Variants in SCIN observed in about 807,000 individuals in gnomAD.
SCIN encodes scinderin, also known as adseverin.
A neutral mutation model predicts 91.8 loss-of-function variants in SCIN; 91 were observed. The ratio of observed to expected loss-of-function variants is 0.99; its 90% CI spans 0.84 to 1.18. The LOEUF (loss-of-function observed/expected upper bound fraction) is 1.18. SCIN is among the 50% of genes most tolerant of loss of function. SCIN has a pLI of 0.00. For synonymous variants in SCIN, 367 were observed against 312.6 expected (o/e 1.17, Z -1.84); for missense variants, 1,087 against 863.9 (o/e 1.26, Z -3.24).
At chr7:12,581,282 A>C (rs1562595239) in intron 3 of SCIN, 61 bp downstream of exon 3, 2 of 1,480,210 alleles carry the variant, frequency 1.4e-6, no homozygotes, top group East Asian at 4.9e-5. Flanking sequence ...GGATCAAATC[A>C]TATGTACATG....
chr7:12,625,075 A>G lies in SCIN; in HGVS notation c.825A>G (p.Ala275=). ...VVAEENPFSM[A]MLLSEECFIL... is the part of the protein sequence containing the mutation. ...CAGAAGAAAACCCCTTCTCAATGGCAATGCTGCTGTCTGAAGAATGCTTTA... is the reference window on the plus strand; with the variant it reads ...CAGAAGAAAACCCCTTCTCAATGGCGATGCTGCTGTCTGAAGAATGCTTTA... The change falls in exon 6 of 16, where the codon GCA becomes GCG. Residue 275 remains alanine, a synonymous_variant. Transcript: ENST00000297029. The G allele has an allele frequency of 6.2e-7, 1 of 1,602,694 alleles. No individual in the cohort carries two copies. Among genetic ancestry groups the G allele is most frequent in the Admixed American group, 1.7e-5 (1 of 58,800 alleles).
chr7:12,656,938 CCTGT>C lies in SCIN; in HGVS notation c.*4224_*4227del, dbSNP rs1366955352. The C allele has an allele frequency of 4.6e-5, 7 of 151,246 alleles. No individual in the cohort carries two copies. The highest frequency in any genetic ancestry group is 1.7e-4 in the African/African-American group (7 of 41,154). 9.4% of individuals were successfully genotyped at this position (151,246 alleles called of 1,614,324 possible). ...CCGTCTCGGGGGAAGAAAAAAAAAA[CCTGT>C]AAAAAGTGGCTCAACTTTAATATTC... On this transcript the variant is annotated 3_prime_UTR_variant, in exon 16 of 16. Transcript: ENST00000297029.
In SCIN at chr7:12,658,118, A is replaced by G. The variant is rs1000319545; in HGVS notation, c.*5403A>G. The G allele has an allele frequency of 3.9e-5, 6 of 152,252 alleles. No individual in the cohort carries two copies. The highest frequency in any genetic ancestry group is 8.8e-5 in the Non-Finnish European group (6 of 68,046). 9.4% of individuals were successfully genotyped at this position (152,252 alleles called of 1,614,324 possible). ...TCACTGTGACTCAATCTAAGGTTTT[A>G]ATAATTCATGAAATAAAACTAATGT... On this transcript the variant is annotated 3_prime_UTR_variant, in exon 16 of 16. Coordinates refer to ENST00000297029, the MANE Select transcript of SCIN (RefSeq NM_001112706.3).
chr7:12,598,443 G>T (rs77222385), intron 3 of SCIN, among the ~76,000 whole-genome samples: 5,160 of 152,168 alleles, frequency 0.034, 312 homozygotes, highest in African/African-American at 0.12. Flanking sequence ...CTTCAGCACA[G>T]TAGAGCTCTG....
At chr7:12,645,393 T>C (rs1783944366) in intron 13 of SCIN, among the ~76,000 whole-genome samples, 1 of 152,176 alleles carries the variant, frequency 6.6e-6, no homozygotes, top group Admixed American at 6.5e-5. Flanking sequence ...GGCATTCCCA[T>C]GTGGCTCTGA....
Position 12,653,739 on chromosome 7 carries a change from A to G in SCIN, c.*1024A>G, listed in dbSNP as rs970176595. 8.5e-5 allele frequency: 13 copies of G among 152,198 alleles called. No individual in the cohort carries two copies. The highest frequency in any genetic ancestry group is 6.5e-5 in the Admixed American group (1 of 15,276). The allele number at this position is 152,198 out of a possible 1,614,324, so 9.4% of individuals were successfully genotyped here. A position where few individuals can be genotyped will look rare whatever the true frequency, so the allele number is the denominator to read the frequency against. ...CCAGGGAGCAGAGCCAAGTTCAAGT[A>G]AGTTAACGATATCAAGTTACTTACT... On this transcript the variant is annotated 3_prime_UTR_variant, in exon 16 of 16. Coordinates refer to ENST00000297029, the MANE Select transcript of SCIN (RefSeq NM_001112706.3). The surrounding 1 kb of genome is among the most constrained non-coding windows in gnomAD (Gnocchi z 4.1).
intron 1 of SCIN, among the ~76,000 whole-genome samples, chr7:12,577,255 C>A (rs547881884): frequency 2.0e-5 from 3 of 152,014 alleles, no homozygotes; most frequent in East Asian, 3.9e-4. Context: ...GGGAAAAAGA[C>A]CAAAAAATAG....
intron 8 of SCIN, among the ~76,000 whole-genome samples, chr7:12,627,924 G>T (rs1050510064): frequency 5.3e-5 from 8 of 152,132 alleles, no homozygotes; most frequent in Non-Finnish European, 1.0e-4. Context: ...ATAGTATGGG[G>T]TGGCCTCTCT....
rs143455246 is a variant in SCIN at position 12,617,516 on chromosome 7, T to G, written c.667-5285T>G. The stretch of plus-strand genomic sequence containing the variant: ...GGTTTGAAGCCTTAGGGAAAAAGGT[T>G]TGGTGATGTCTAGAAAAGGCAAATG... On this transcript the variant is annotated intron_variant, in intron 4 of 15. Coordinates refer to ENST00000297029, the MANE Select transcript of SCIN (RefSeq NM_001112706.3). Among the ~76,000 whole-genome samples, 309 of 152,208 alleles carry G rather than the reference T, an allele frequency of 2.0e-3. 1 individual carries two copies. The highest frequency in any genetic ancestry group is 4.8e-3 in the South Asian group (23 of 4,824).
At chr7:12,597,763 A>T (rs1166433146) in intron 3 of SCIN, among the ~76,000 whole-genome samples, 1 of 152,170 alleles carries the variant, frequency 6.6e-6, no homozygotes, top group East Asian at 1.9e-4. Flanking sequence ...AACAGATTGT[A>T]TTTATAGTCT....
intron 4 of SCIN, among the ~76,000 whole-genome samples, chr7:12,618,504 A>G (rs1291170244): frequency 6.6e-6 from 1 of 152,188 alleles, no homozygotes; most frequent in African/African-American, 2.4e-5. Context: ...AAAGGAATAA[A>G]GGTATTTTTG....
intron 4 of SCIN, among the ~76,000 whole-genome samples, chr7:12,605,470 G>T (rs1180995724): frequency 6.6e-6 from 1 of 152,136 alleles, no homozygotes; most frequent in African/African-American, 2.4e-5. Flanking sequence ...AATTTCCGGG[G>T]TATTGGAAAT....
chr7:12,604,288 A>G (rs983501316), intron 3 of SCIN, among the ~76,000 whole-genome samples: 4 of 152,276 alleles, frequency 2.6e-5, no homozygotes, highest in Admixed American at 1.3e-4. Flanking sequence ...ATATACACAG[A>G]GAATGGTGAT....
At chr7:12,648,256 A>G (rs1784005118) in intron 13 of SCIN, among the ~76,000 whole-genome samples, 1 of 151,448 alleles carries the variant, frequency 6.6e-6, no homozygotes, top group African/African-American at 2.4e-5. Context: ...TTTTTGATTT[A>G]TTAAAATGAC....
At chr7:12,608,554 T>C (rs560310616) in intron 4 of SCIN, among the ~76,000 whole-genome samples, 2 of 152,262 alleles carry the variant, frequency 1.3e-5, no homozygotes, top group East Asian at 1.9e-4. Flanking sequence ...CTCGGCACAC[T>C]GCAGCCTCTG....
At chr7:12,616,438 A>G (rs909191055) in intron 4 of SCIN, among the ~76,000 whole-genome samples, 1 of 152,144 alleles carries the variant, frequency 6.6e-6, no homozygotes, top group Admixed American at 6.6e-5. Context: ...ATGAGAAGAG[A>G]TAGCAAGAAG....
intron 4 of SCIN, among the ~76,000 whole-genome samples, chr7:12,620,529 C>G (rs959748697): frequency 1.3e-5 from 2 of 152,060 alleles, no homozygotes; most frequent in Non-Finnish European, 2.9e-5. Context: ...GACAGGATTT[C>G]CTTGATCTAG....
rs78897594 is a variant in SCIN at position 12,638,591 on chromosome 7, C to A, written c.1411-1756C>A. ...GGGTTTTTCTGTCTTGTTTTCAAATCTTTGTAAGTGTGTAATTGCTTATTT... is the reference window on the plus strand; with the variant it reads ...GGGTTTTTCTGTCTTGTTTTCAAATATTTGTAAGTGTGTAATTGCTTATTT... On this transcript the variant is annotated intron_variant, in intron 10 of 15. Coordinates refer to ENST00000297029, the MANE Select transcript of SCIN (RefSeq NM_001112706.3). 9.5e-3 allele frequency among the ~76,000 whole-genome samples: 1,449 copies of A among 152,242 alleles called. 8 individuals are homozygous for A. The highest frequency in any genetic ancestry group is 0.016 in the Non-Finnish European group (1,075 of 68,012).
chr7:12,650,880 C>T (rs1452433554), intron 14 of SCIN, among the ~76,000 whole-genome samples: 1 of 151,712 alleles, frequency 6.6e-6, no homozygotes, highest in Non-Finnish European at 1.5e-5. Context: ...TCTGGGATCA[C>T]CCACAGACAA....
Sources: gnomAD v4.1 joint callset for allele counts (sites outside exome capture counted in the v4.1 genomes callset) on GRCh38, gnomAD v4.1.1 for gene constraint, Gnocchi (gnomAD v3.1) non-coding constraint, MANE v1.5 for transcripts, NCBI Gene and HGNC (gene_info 2026-07-23, HGNC 2026-07-21) for gene names.